Variants in TRAF1 observed in about 807,000 individuals in gnomAD.
TRAF1 encodes TNF receptor-associated factor 1.
A neutral mutation model predicts 40.9 loss-of-function variants in TRAF1; 23 were observed. That is an observed-to-expected ratio of 0.56 (90% CI 0.40 to 0.80). TRAF1 has a LOEUF of 0.80. Ranked by LOEUF, TRAF1 falls within the 30% of genes least tolerant of loss-of-function variation. TRAF1 has a pLI of 0.00. For synonymous variants in TRAF1, 206 were observed against 218.8 expected, an observed-to-expected ratio of 0.94 and a Z score of 0.52; for missense variants, 477 against 528.7, an observed-to-expected ratio of 0.90 and a Z score of 0.96.
intron 7 of TRAF1, among the ~76,000 whole-genome samples, chr9:120,905,871 A>G (rs183574747): frequency 1.3e-4 from 20 of 152,336 alleles, no homozygotes; most frequent in Admixed American, 2.6e-4. Context: ...TGCCAACTGA[A>G]GCATCCTCAC....
rs2046449244 is a variant in TRAF1, at chr9:120,902,857, C to T, written c.*2163G>A. 6.6e-6 allele frequency: 1 copy of T among 152,190 alleles called. No individual in the cohort carries two copies. The allele number at this position is 152,190 out of a possible 1,614,324, so 9.4% of individuals were successfully genotyped here. On this transcript the variant is annotated 3_prime_UTR_variant, in exon 8 of 8. Transcript: ENST00000373887. ...CCAGAGTGCACATCTTGCCTTTCTCCCTTCAATGTCGAACACAGTTAACAG... is the reference window on the plus strand; with the variant it reads ...CCAGAGTGCACATCTTGCCTTTCTCTCTTCAATGTCGAACACAGTTAACAG...
At chr9:120,917,081 C>T (rs1260557958) in intron 3 of TRAF1, among the ~76,000 whole-genome samples, 2 of 152,224 alleles carry the variant, frequency 1.3e-5, no homozygotes, top group African/African-American at 4.8e-5. Context: ...GGGGATGTGT[C>T]TTTCAGCAGC....
intron 3 of TRAF1, among the ~76,000 whole-genome samples, chr9:120,916,434 T>C (rs1302366739): frequency 1.3e-5 from 2 of 152,204 alleles, no homozygotes; most frequent in Non-Finnish European, 2.9e-5. Context: ...TTTTATGGCA[T>C]ATAAATAAAA....
At position 120,904,797 on chromosome 9, in the gene TRAF1, G is replaced by C; in HGVS notation, c.*223C>G. 1 of 588,090 alleles carries C rather than the reference G, an allele frequency of 1.7e-6. No homozygotes were observed. The highest frequency in any genetic ancestry group is 3.0e-6 in the Non-Finnish European group (1 of 331,360). The allele number at this position is 588,090 out of a possible 1,614,324, so 36.4% of individuals were successfully genotyped here. A position where few individuals can be genotyped will look rare whatever the true frequency, so the allele number is the denominator to read the frequency against. The stretch of plus-strand genomic sequence containing the variant: ...CGCATGGTCCGTGCAGAGGGGAGCA[G>C]CTCTGCCTGTCTCCTTCTGGACCCT... On this transcript the variant is annotated 3_prime_UTR_variant, in exon 8 of 8. Transcript: ENST00000373887.
intron 7 of TRAF1, among the ~76,000 whole-genome samples, chr9:120,907,296 C>A (rs531339637): frequency 3.3e-5 from 5 of 152,178 alleles, no homozygotes; most frequent in Admixed American, 1.3e-4. Flanking sequence ...CTTGATAGCT[C>A]ATTTCTTTTT....
intron 7 of TRAF1, among the ~76,000 whole-genome samples, chr9:120,906,580 A>G (rs7858211): frequency 0.97 from 147,136 of 152,196 alleles, 71,136 homozygotes; most frequent in East Asian, 1. Context: ...CCCACCCAGT[A>G]CACAACCTCC....
rs79031413 is a variant in TRAF1, at chr9:120,903,104, C to T, written c.*1916G>A. The T allele has an allele frequency of 6.6e-6, 1 of 152,326 alleles. No individual in the cohort carries two copies. Among genetic ancestry groups the T allele is most frequent in the Non-Finnish European group, 1.5e-5 (1 of 68,038 alleles). 9.4% of individuals were successfully genotyped at this position (152,326 alleles called of 1,614,324 possible). A position where few individuals can be genotyped will look rare whatever the true frequency, so the allele number is the denominator to read the frequency against. On this transcript the variant is annotated 3_prime_UTR_variant, in exon 8 of 8. Coordinates refer to ENST00000373887, the MANE Select transcript of TRAF1 (RefSeq NM_005658.5). ...TCAGTTTCAGGGCCTAGACCCATCA[C>T]TCGCTAGGCCAGACCTTCATGTGTG...
chr9:120,927,495 A>G (rs1270364596), upstream of TRAF1: 1 of 152,188 alleles, frequency 6.6e-6, no homozygotes, highest in Non-Finnish European at 1.5e-5. Flanking sequence ...TAGTGGGTCA[A>G]AGTGTGGTGT....
Position 120,926,010 on chromosome 9 carries a change from G to A in TRAF1, c.66C>T (p.Cys22=), listed in dbSNP as rs201899107. Reference sequence around the variant, plus strand: ...TTGGGTCCTGGCAGACGGTGGGAGGGCACCCAAAGGGAAACTCATTCTCAT... The same window carrying A: ...TTGGGTCCTGGCAGACGGTGGGAGGACACCCAAAGGGAAACTCATTCTCAT... ...APDENEFPFG[C]PPTVCQDPKE... The change falls in exon 2 of 8, where the codon TGC becomes TGT. Residue 22 remains cysteine (C), a synonymous_variant. Coordinates refer to ENST00000373887, the MANE Select transcript of TRAF1 (RefSeq NM_005658.5). 9 of 1,612,810 alleles carry A rather than the reference G, an allele frequency of 5.6e-6. No homozygotes were observed. The East Asian group carries it at 1.8e-4, about 32-fold the overall frequency.
chr9:120,904,561 C>G lies in TRAF1; in HGVS notation c.*459G>C, dbSNP rs1271737647. 1 of 175,522 alleles carries G rather than the reference C, an allele frequency of 5.7e-6. No individual in the cohort carries two copies. The highest frequency in any genetic ancestry group is 1.2e-5 in the Non-Finnish European group (1 of 81,672). The allele number at this position is 175,522 out of a possible 1,614,324, so 10.9% of individuals were successfully genotyped here. On this transcript the variant is annotated 3_prime_UTR_variant, in exon 8 of 8. Transcript: ENST00000373887. ...GACAGACTGCATTCAAACTGGCACC[C>G]CATCCCTTCCACCCGGTCCTGTTTC...
At chr9:120,917,294 G>A (rs535524072) in intron 3 of TRAF1, among the ~76,000 whole-genome samples, 39 of 152,214 alleles carry the variant, frequency 2.6e-4, no homozygotes, top group East Asian at 2.5e-3. Flanking sequence ...TAGAGTGCAC[G>A]GGAGTTCAGG....
rs903296394 is a variant in TRAF1 at position 120,903,563 on chromosome 9, G to A, written c.*1457C>T. On this transcript the variant is annotated 3_prime_UTR_variant, in exon 8 of 8. Coordinates refer to ENST00000373887, the MANE Select transcript of TRAF1 (RefSeq NM_005658.5). ...AATGGAGTCTGGCACAGGCTCAGCA[G>A]GTGGAGGAAGAGTAAGCTGTCAGGA... is the stretch of plus-strand genomic sequence containing the variant. 6.5e-6 allele frequency: 1 copy of A among 152,696 alleles called. No individual in the cohort carries two copies. Among genetic ancestry groups the A allele is most frequent in the African/African-American group, 2.4e-5 (1 of 41,474 alleles). 9.5% of individuals were successfully genotyped at this position (152,696 alleles called of 1,614,324 possible). A position where few individuals can be genotyped will look rare whatever the true frequency, so the allele number is the denominator to read the frequency against.
intron 3 of TRAF1, among the ~76,000 whole-genome samples, chr9:120,917,213 G>A (rs1165300346): frequency 2.0e-5 from 3 of 152,190 alleles, no homozygotes; most frequent in African/African-American, 7.2e-5. Context: ...GCCTTGAACA[G>A]TTGCTGGAGA....
intron 3 of TRAF1, 83 bp from the exon 4 acceptor site, chr9:120,914,383 C>T: frequency 2.3e-6 from 3 of 1,313,244 alleles, no homozygotes; most frequent in Non-Finnish European, 2.9e-6. Flanking sequence ...CAGGATCCAC[C>T]AGGGCAGGAG....
rs779519689 is a variant in TRAF1 at position 120,909,291 on chromosome 9, A to G, written c.971T>C (p.Leu324Pro). 5 of 1,614,168 alleles carry G rather than the reference A, an allele frequency of 3.1e-6. No homozygotes were observed. The South Asian group carries it at 5.5e-5, about 18-fold the overall frequency. Residue 324 changes from leucine to proline, a missense_variant, in exon 7 of 8, where the codon CTC (leucine) becomes CCC (proline). By Grantham distance (98) the Leu-to-Pro change is moderately conservative (BLOSUM62 -3). Transcript: ENST00000373887. Reference sequence around the variant, plus strand: ...CTCCCCTCTCATGATCACGATGAAGAGCGACAGATGGGTTCTCTTTCCAGT... The same window carrying G: ...CTCCCCTCTCATGATCACGATGAAGGGCGACAGATGGGTTCTCTTTCCAGT... ...DGTGKRTHLSLFIVIMRGEYD... is the reference protein window; with the variant it reads ...DGTGKRTHLSPFIVIMRGEYD...
At chr9:120,908,393 A>G (rs997423869) in intron 7 of TRAF1, among the ~76,000 whole-genome samples, 1 of 149,578 alleles carries the variant, frequency 6.7e-6, no homozygotes, top group African/African-American at 2.5e-5. Flanking sequence ...AAAATAAAAC[A>G]ACCAGTCTCT....
chr9:120,912,829 T>C (rs1352863857), intron 5 of TRAF1, among the ~76,000 whole-genome samples: 3 of 152,130 alleles, frequency 2.0e-5, no homozygotes, highest in Non-Finnish European at 2.9e-5. Flanking sequence ...AGGATGGCAA[T>C]GTGAAGCAGC....
chr9:120,918,197 G>A (rs1169260238), intron 3 of TRAF1, among the ~76,000 whole-genome samples: 1 of 152,058 alleles, frequency 6.6e-6, no homozygotes, highest in African/African-American at 2.4e-5. Flanking sequence ...CTTTGTTATG[G>A]CAGCCCTGGC....
chr9:120,906,048 T>C (rs4837799), intron 7 of TRAF1, among the ~76,000 whole-genome samples: 104,325 of 151,978 alleles, frequency 0.69, 36,093 homozygotes, highest in South Asian at 0.82. Flanking sequence ...GCGGCACACC[T>C]GCCCTGCCCC....
Sources: gnomAD v4.1 joint callset for allele counts (sites outside exome capture counted in the v4.1 genomes callset) on GRCh38, gnomAD v4.1.1 for gene constraint, MANE v1.5 for transcripts, NCBI Gene and HGNC (gene_info 2026-07-23, HGNC 2026-07-21) for gene names.